The following GRIK1 variants were observed in gnomAD, a reference collection of about 807,000 sequenced individuals.
GRIK1 encodes the protein glutamate ionotropic receptor kainate type subunit 1.
Under a neutral mutation model 105.7 loss-of-function variants are expected in GRIK1, and 69 were observed. The observed-to-expected ratio is 0.65, with a 90% CI of 0.54 to 0.80. The LOEUF is 0.80. GRIK1 is among the 30% of genes least tolerant of loss of function. The pLI is 0.00. For synonymous variants in GRIK1, 438 were observed against 431.3 expected (o/e 1.02, Z -0.19); for missense variants, 1,109 against 1,167.3 (o/e 0.95, Z 0.73).
At chr21:29,734,936 C>T (rs1004702531) in intron 1 of GRIK1, among the ~76,000 whole-genome samples, 2 of 152,184 alleles carry the variant, frequency 1.3e-5, no homozygotes, top group Admixed American at 1.3e-4. Flanking sequence ...GGACCTCCAA[C>T]TTGCACACTC....
At chr21:29,620,802 T>TAA (rs1555851179) in intron 7 of GRIK1, among the ~76,000 whole-genome samples, 1 of 127,426 alleles carries the variant, frequency 7.8e-6, no homozygotes, top group Non-Finnish European at 1.6e-5. Flanking sequence ...TCTATATATA[T>TAA]ATAGATATAT....
At chr21:29,914,300 A>T (rs1161684576) in intron 1 of GRIK1, among the ~76,000 whole-genome samples, 1 of 152,074 alleles carries the variant, frequency 6.6e-6, no homozygotes, top group East Asian at 1.9e-4. Flanking sequence ...GAGAGGAATT[A>T]TTCTAGGGAA....
chr21:29,543,439 G>A (rs549248012), intron 16 of GRIK1, among the ~76,000 whole-genome samples: 126 of 152,256 alleles, frequency 8.3e-4, no homozygotes, highest in African/African-American at 2.9e-3. Flanking sequence ...TTATGTGAAG[G>A]CAGGTGGAAG....
chr21:29,734,289 C>A (rs1780788755), intron 1 of GRIK1, among the ~76,000 whole-genome samples: 1 of 152,202 alleles, frequency 6.6e-6, no homozygotes, highest in African/African-American at 2.4e-5. Flanking sequence ...GCCCATTGGT[C>A]CACTTCCCAC....
chr21:29,537,725 G>C (rs752034231), intron 17 of GRIK1, 73 bp downstream of exon 17: 9 of 823,882 alleles, frequency 1.1e-5, no homozygotes, highest in South Asian at 9.5e-5. Context: ...TTCCCCCACT[G>C]AGATGATCCA....
chr21:29,676,826 T>C (rs1014065528), intron 3 of GRIK1, among the ~76,000 whole-genome samples: 4 of 152,190 alleles, frequency 2.6e-5, no homozygotes, highest in Non-Finnish European at 4.4e-5. Flanking sequence ...GGCTGAATTG[T>C]CTGAATCAAA....
intron 15 of GRIK1, among the ~76,000 whole-genome samples, chr21:29,560,839 A>C (rs1363539022): frequency 6.6e-6 from 1 of 151,894 alleles, no homozygotes; most frequent in Non-Finnish European, 1.5e-5. Flanking sequence ...TGACCTCGTG[A>C]TCTGCCTGCC....
chr21:29,773,902 C>T lies in GRIK1; in HGVS notation c.119-79839G>A, dbSNP rs142347145. On this transcript the variant is annotated intron_variant, in intron 1 of 17. Coordinates refer to ENST00000327783, the MANE Select transcript of GRIK1 (RefSeq NM_001330994.2). ...ATAATAGCAAAACAACACACCTTCT[C>T]AAGTCTTGTCCATCCCTTTCCCGTC... 1.3e-4 allele frequency among the ~76,000 whole-genome samples: 20 copies of T among 152,306 alleles called. 1 individual carries two copies. The East Asian group carries it at 3.9e-3, about 29-fold the overall frequency.
chr21:29,848,708 C>T (rs1371851089), intron 1 of GRIK1, among the ~76,000 whole-genome samples: 3 of 145,406 alleles, frequency 2.1e-5, no homozygotes, highest in African/African-American at 7.7e-5. Context: ...ATTACATATA[C>T]TACAGCTTGC....
At chr21:29,840,258 G>A (rs1306601913) in intron 1 of GRIK1, among the ~76,000 whole-genome samples, 1 of 152,106 alleles carries the variant, frequency 6.6e-6, no homozygotes, top group Non-Finnish European at 1.5e-5. Context: ...TGCCTCACCA[G>A]CAATACAAAC....
chr21:29,663,327 G>T (rs2063002185), intron 4 of GRIK1, among the ~76,000 whole-genome samples: 1 of 152,150 alleles, frequency 6.6e-6, no homozygotes, highest in African/African-American at 2.4e-5. Flanking sequence ...TCTTAAGTAG[G>T]ATGCATCAAT....
At chr21:29,826,263 ACT>A (rs1226902218) in intron 1 of GRIK1, among the ~76,000 whole-genome samples, 1 of 151,556 alleles carries the variant, frequency 6.6e-6, no homozygotes, top group East Asian at 1.9e-4. Flanking sequence ...GATACCTGAG[ACT>A]CTCTCTCAAT....
At chr21:29,858,574 T>C (rs1443017532) in intron 1 of GRIK1, among the ~76,000 whole-genome samples, 4 of 152,152 alleles carry the variant, frequency 2.6e-5, no homozygotes, top group East Asian at 1.9e-4. Context: ...GACTACTCTG[T>C]TGTGAAATAT....
At chr21:29,589,792 A>G (rs943173486) in intron 10 of GRIK1, among the ~76,000 whole-genome samples, 1 of 151,992 alleles carries the variant, frequency 6.6e-6, no homozygotes, top group African/African-American at 2.4e-5. Flanking sequence ...CATTCTTTGC[A>G]TTTCCTATCT....
At chr21:29,762,943 T>G (rs2065564399) in intron 1 of GRIK1, among the ~76,000 whole-genome samples, 1 of 152,374 alleles carries the variant, frequency 6.6e-6, no homozygotes, top group South Asian at 2.1e-4. Context: ...GAAAACGATG[T>G]AAAGCCAGAT....
chr21:29,847,114 A>G lies in GRIK1; in HGVS notation c.118+92269T>C, dbSNP rs183662080. 8.2e-4 allele frequency among the ~76,000 whole-genome samples: 124 copies of G among 151,824 alleles called. 1 individual carries two copies. The highest frequency in any genetic ancestry group is 3.0e-3 in the African/African-American group (123 of 41,414). On this transcript the variant is annotated intron_variant, in intron 1 of 17. Transcript: ENST00000327783. ...CCATTTCTCTGTCCTTTAATGAACC[A>G]TTTTCCTCTTCTTTATAATTTTAAG... is the stretch of plus-strand genomic sequence containing the variant.
chr21:29,598,057 G>A (rs1224574153), intron 8 of GRIK1, among the ~76,000 whole-genome samples: 1 of 152,078 alleles, frequency 6.6e-6, no homozygotes, highest in Admixed American at 6.5e-5. Context: ...TTGCTTTGGG[G>A]GTTTCAATTG....
rs1178667571 is a variant in GRIK1 at position 29,849,156 on chromosome 21, C to T, written c.118+90227G>A. On this transcript the variant is annotated intron_variant, in intron 1 of 17. Coordinates refer to ENST00000327783, the MANE Select transcript of GRIK1 (RefSeq NM_001330994.2). Reference sequence around the variant, plus strand: ...TCATGTCCCAGACTGTATTGTACTTCCTAATATTTTTCTTGTATTTTATTA... The same window carrying T: ...TCATGTCCCAGACTGTATTGTACTTTCTAATATTTTTCTTGTATTTTATTA... Among the ~76,000 whole-genome samples, 4 of 151,946 alleles carry T rather than the reference C, an allele frequency of 2.6e-5. No homozygotes were observed. In the East Asian group the frequency reaches 7.7e-4, roughly 29 times the overall value.
intron 1 of GRIK1, among the ~76,000 whole-genome samples, chr21:29,714,232 C>T (rs1312632802): frequency 6.6e-6 from 1 of 151,772 alleles, no homozygotes; most frequent in Admixed American, 6.6e-5. Flanking sequence ...TTTACACACT[C>T]TTCCCATGAT....
Sources: gnomAD v4.1 joint callset for allele counts (sites outside exome capture counted in the v4.1 genomes callset) on GRCh38, gnomAD v4.1.1 for gene constraint, MANE v1.5 for transcripts, NCBI Gene and HGNC (gene_info 2026-07-23, HGNC 2026-07-21) for gene names.